VPS13C: variants seen among roughly 807,000 people sequenced by gnomAD.
VPS13C encodes the protein intermembrane lipid transfer protein VPS13C.
Under a neutral mutation model 456.8 loss-of-function variants are expected in VPS13C, and 358 were observed. That is an observed-to-expected ratio of 0.78 (90% CI 0.72 to 0.86). The LOEUF is 0.86. Ranked by LOEUF, VPS13C falls within the 40% of genes least tolerant of loss-of-function variation. The pLI is 0.00. For synonymous variants in VPS13C, 1,578 were observed against 1,486.7 expected, an observed-to-expected ratio of 1.06 and a Z score of -1.41; for missense variants, 4,818 against 4,385.4, an observed-to-expected ratio of 1.10 and a Z score of -2.79.
rs1163557356 is a variant in VPS13C, at chr15:61,922,778, C to A, written c.6610-16G>T. On this transcript the variant is annotated splice_polypyrimidine_tract_variant and intron_variant, in intron 53 of 84. Transcript: ENST00000644861. ...TGGGTGAAATCTTTAAAAAAGAAAG[C>A]AGAAAAATATTTATAATAAATTCTT... is the stretch of plus-strand genomic sequence containing the variant. 3.9e-6 allele frequency: 6 copies of A among 1,539,196 alleles called. No individual in the cohort carries two copies. The East Asian group carries it at 1.1e-4, about 29-fold the overall frequency.
intron 45 of VPS13C, among the ~76,000 whole-genome samples, chr15:61,942,537 G>A (rs2044464857): frequency 6.8e-6 from 1 of 147,174 alleles, no homozygotes; most frequent in Non-Finnish European, 1.5e-5. Flanking sequence ...GCTTATTTCT[G>A]ATAAGGCTTT....
intron 66 of VPS13C, among the ~76,000 whole-genome samples, chr15:61,896,751 C>T (rs1462368872): frequency 6.6e-6 from 1 of 152,218 alleles, no homozygotes; most frequent in Non-Finnish European, 1.5e-5. Flanking sequence ...TAGCCCACCA[C>T]AGCTCAAGGA....
At chr15:61,999,269 C>T (rs568178260) in intron 16 of VPS13C, among the ~76,000 whole-genome samples, 305 of 152,008 alleles carry the variant, frequency 2.0e-3, no homozygotes, top group African/African-American at 6.8e-3. Context: ...GTCCCAGATA[C>T]TCAGGAGGCT....
chr15:61,857,064 T>C (rs1475347121), intron 82 of VPS13C, among the ~76,000 whole-genome samples: 4 of 152,200 alleles, frequency 2.6e-5, no homozygotes, highest in Non-Finnish European at 5.9e-5. Flanking sequence ...CAGTGTGTGA[T>C]TCATTTTGAT....
intron 15 of VPS13C, among the ~76,000 whole-genome samples, chr15:62,001,719 C>T (rs919905806): frequency 6.6e-6 from 1 of 152,122 alleles, no homozygotes; most frequent in African/African-American, 2.4e-5. Flanking sequence ...CTTCCTGTGT[C>T]CATGTGTTCT....
In VPS13C at chr15:61,991,800, C is replaced by T. The variant is rs151201230; in HGVS notation, c.1356G>A (p.Val452=). Residue 452 remains valine, a splice_region_variant and synonymous_variant, in exon 17 of 85, where the codon GTG becomes GTA. Coordinates refer to ENST00000644861, the MANE Select transcript of VPS13C (RefSeq NM_020821.3). ...ILARQQAQVE[V]IRSGQKLRKK... is the part of the protein sequence containing the mutation. ...TCCTTAATTTTTGCCCAGACCGAAT[C>T]ACCTGAAAAATAAAAATTAAAAAAT... 4 of 1,607,644 alleles carry T rather than the reference C, an allele frequency of 2.5e-6. No homozygotes were observed. Among genetic ancestry groups the T allele is most frequent in the Admixed American group, 3.4e-5 (2 of 59,318 alleles).
chr15:62,017,699 T>C (rs1596483224), intron 9 of VPS13C, among the ~76,000 whole-genome samples: 1 of 152,216 alleles, frequency 6.6e-6, no homozygotes, highest in East Asian at 1.9e-4. Flanking sequence ...CCTTGGAGTA[T>C]AGTTTGAAGT....
rs998807472 is a variant in VPS13C at position 61,919,209 on chromosome 15, A to G, written c.7638+80T>C. 2.9e-6 allele frequency: 4 copies of G among 1,371,072 alleles called. No individual in the cohort carries two copies. The Admixed American group carries it at 1.0e-4, about 36-fold the overall frequency. The allele number at this position is 1,371,072 out of a possible 1,614,324, so 84.9% of individuals were successfully genotyped here. The stretch of plus-strand genomic sequence containing the variant: ...ATCAGAATTGACCTGATGAAGTTTT[A>G]CTGTATTCCTATATTCAGCTAAATG... On this transcript the variant is annotated intron_variant, in intron 58 of 84. Transcript: ENST00000644861.
chr15:61,956,975 G>A (rs909938251), intron 37 of VPS13C, among the ~76,000 whole-genome samples: 2 of 152,016 alleles, frequency 1.3e-5, no homozygotes, highest in Admixed American at 6.6e-5. Context: ...AAAAAAAAGT[G>A]TATATAACTA....
intron 27 of VPS13C, 83 bp downstream of exon 27, chr15:61,972,542 T>C: frequency 6.8e-7 from 1 of 1,472,066 alleles, no homozygotes; most frequent in Non-Finnish European, 9.2e-7. Context: ...TTTAATATAC[T>C]TGACATTTGG....
intron 9 of VPS13C, among the ~76,000 whole-genome samples, chr15:62,016,033 CTTTA>C (rs1158220509): frequency 7.8e-6 from 1 of 128,200 alleles, no homozygotes; most frequent in Non-Finnish European, 1.7e-5. Flanking sequence ...CTCTCTTTTT[CTTTA>C]TTGTTTCTGC....
chr15:61,921,390 G>A (rs1490250241), intron 55 of VPS13C, among the ~76,000 whole-genome samples: 3 of 151,864 alleles, frequency 2.0e-5, no homozygotes, highest in Non-Finnish European at 4.4e-5. Flanking sequence ...CAGTATCTAG[G>A]TTTCTGAGGT....
chr15:61,866,955 A>G (rs1306718912), intron 81 of VPS13C: 2 of 983,568 alleles, frequency 2.0e-6, no homozygotes, highest in Non-Finnish European at 2.4e-6. Context: ...TAGATAAGAC[A>G]TTGTTAAACA....
intron 34 of VPS13C, 139 bp downstream of exon 34, chr15:61,962,232 T>G: frequency 2.7e-6 from 2 of 733,098 alleles, no homozygotes; most frequent in Non-Finnish European, 4.1e-6. Context: ...ATAGGGGTTT[T>G]GATCTCTACA....
At chr15:61,911,787 T>G in intron 63 of VPS13C, 53 bp downstream of exon 63, 4 of 1,439,786 alleles carry the variant, frequency 2.8e-6, no homozygotes, top group South Asian at 3.2e-5. Context: ...TATTTAGATG[T>G]CAATATTTAT....
At chr15:61,860,930 A>G (rs931446314) in intron 82 of VPS13C, among the ~76,000 whole-genome samples, 23 of 145,552 alleles carry the variant, frequency 1.6e-4, no homozygotes, top group African/African-American at 5.9e-4. Context: ...ACTAGAACGC[A>G]TGTATGGTTA....
At chr15:61,919,507 T>C (rs138767901) in intron 57 of VPS13C, 58 bp from the exon 58 acceptor site, 1 of 1,412,374 alleles carries the variant, frequency 7.1e-7, no homozygotes, top group South Asian at 1.7e-5. Flanking sequence ...TGTTTCTCTA[T>C]AACAATCATT....
chr15:62,011,544 G>A (rs1054856107), intron 12 of VPS13C, among the ~76,000 whole-genome samples: 5 of 151,824 alleles, frequency 3.3e-5, no homozygotes, highest in Non-Finnish European at 5.9e-5. Flanking sequence ...AAATCATAAA[G>A]GGGTATACTA....
intron 81 of VPS13C, chr15:61,864,023 A>AG (rs986928004): frequency 1.3e-5 from 2 of 152,458 alleles, no homozygotes; most frequent in African/African-American, 4.8e-5. Context: ...TTAATCACAG[A>AG]GGGGGGTCTG....
Sources: gnomAD v4.1 joint callset for allele counts (sites outside exome capture counted in the v4.1 genomes callset) on GRCh38, gnomAD v4.1.1 for gene constraint, MANE v1.5 for transcripts, NCBI Gene and HGNC (gene_info 2026-07-23, HGNC 2026-07-21) for gene names.